Variants in MAPK9 observed in about 807,000 individuals in gnomAD.
MAPK9 encodes mitogen-activated protein kinase 9.
A neutral mutation model predicts 57.1 loss-of-function variants in MAPK9; 30 were observed. The observed-to-expected ratio is 0.53, with a 90% CI of 0.39 to 0.71. The LOEUF (loss-of-function observed/expected upper bound fraction) is 0.71. Ranked by LOEUF, MAPK9 falls within the 30% of genes least tolerant of loss-of-function variation. MAPK9 has a pLI of 0.00. For synonymous variants in MAPK9, 155 were observed against 177.0 expected (o/e 0.88, Z 0.99); for missense variants, 362 against 521.0 (o/e 0.69, Z 2.97).
intron 5 of MAPK9, among the ~76,000 whole-genome samples, chr5:180,251,630 C>T (rs1189785322): frequency 6.6e-6 from 1 of 152,112 alleles, no homozygotes; most frequent in Non-Finnish European, 1.5e-5. Context: ...AGCTTCCCAA[C>T]ACCTCACTTC....
At chr5:180,246,220 T>A (rs1336529124) in intron 7 of MAPK9, 27 of 152,314 alleles carry the variant, frequency 1.8e-4, no homozygotes, top group South Asian at 6.2e-4. Flanking sequence ...CTTTTCCCTT[T>A]TTAATTAAGT....
chr5:180,256,539 T>G (rs1759303164), intron 5 of MAPK9, among the ~76,000 whole-genome samples: 1 of 152,170 alleles, frequency 6.6e-6, no homozygotes, highest in Non-Finnish European at 1.5e-5. Context: ...AGGCCATGGA[T>G]GTGGGAAGCA....
chr5:180,272,620 AATC>A (rs1432589758), intron 2 of MAPK9, among the ~76,000 whole-genome samples: 1 of 152,152 alleles, frequency 6.6e-6, no homozygotes, highest in Non-Finnish European at 1.5e-5. Flanking sequence ...TGTTTTTTGA[AATC>A]TTCTGTGTCT....
intron 1 of MAPK9, 145 bp from the exon 2 acceptor site, chr5:180,280,753 G>A (rs1762251364): frequency 1.6e-6 from 1 of 607,144 alleles, no homozygotes; most frequent in Non-Finnish European, 2.6e-6. Flanking sequence ...ACTTAAGCAA[G>A]ACACAAAAAA....
chr5:180,275,692 A>C (rs1024779886), intron 2 of MAPK9, among the ~76,000 whole-genome samples: 13 of 152,340 alleles, frequency 8.5e-5, no homozygotes, highest in African/African-American at 3.1e-4. Context: ...GAATGTTGGC[A>C]GAAAACTGGC....
chr5:180,251,803 G>C (rs1052319352), intron 5 of MAPK9, among the ~76,000 whole-genome samples: 2 of 152,020 alleles, frequency 1.3e-5, no homozygotes, highest in African/African-American at 4.8e-5. Context: ...CAGCAGTGAG[G>C]GTACCCACAG....
At chr5:180,249,747 AT>A (rs1054430847) in intron 5 of MAPK9, among the ~76,000 whole-genome samples, 16 of 152,308 alleles carry the variant, frequency 1.1e-4, no homozygotes, top group South Asian at 1.0e-3. Context: ...CATACAGTAT[AT>A]TTTTTTAACC....
chr5:180,264,884 G>C, intron 3 of MAPK9, 45 bp from the exon 4 acceptor site: 1 of 1,428,870 alleles, frequency 7.0e-7, no homozygotes, highest in Non-Finnish European at 9.4e-7. Flanking sequence ...CAGATTACTT[G>C]ATTACAAAAA....
chr5:180,235,475 C>T lies in MAPK9; in HGVS notation c.*909G>A, dbSNP rs895868639. ...AGCATTTTGTAAAATTCCACTCCAA[C>T]GTTAGGCCATGGATGCAGGAACCTA... On this transcript the variant is annotated 3_prime_UTR_variant, in exon 12 of 12. Transcript: ENST00000452135. The T allele has an allele frequency of 3.9e-5, 6 of 152,196 alleles. No homozygotes were observed. The highest frequency in any genetic ancestry group is 1.9e-4 in the East Asian group (1 of 5,202). 9.4% of individuals were successfully genotyped at this position (152,196 alleles called of 1,614,324 possible). A position where few individuals can be genotyped will look rare whatever the true frequency, so the allele number is the denominator to read the frequency against.
intron 5 of MAPK9, among the ~76,000 whole-genome samples, chr5:180,250,508 G>C (rs924117073): frequency 6.6e-6 from 1 of 152,152 alleles, no homozygotes; most frequent in Non-Finnish European, 1.5e-5. Flanking sequence ...GGAAGTTGCA[G>C]GTTCAGTAGC....
At chr5:180,257,427 C>T (rs13162206) in intron 5 of MAPK9, among the ~76,000 whole-genome samples, 57,331 of 152,190 alleles carry the variant, frequency 0.38, 11,109 homozygotes, top group Non-Finnish European at 0.41. Context: ...AAAAGATGAC[C>T]TCTTGCTGTT....
chr5:180,277,328 G>A (rs1386452545), intron 2 of MAPK9, among the ~76,000 whole-genome samples: 1 of 152,182 alleles, frequency 6.6e-6, no homozygotes, highest in African/African-American at 2.4e-5. Flanking sequence ...AGGCTCTGGG[G>A]GGAGTCTGCT....
intron 11 of MAPK9, chr5:180,237,413 C>T (rs1163351718): frequency 1.3e-5 from 2 of 152,150 alleles, no homozygotes; most frequent in Non-Finnish European, 2.9e-5. Context: ...ATCCTTCAGA[C>T]GTAAGTGAAC....
chr5:180,285,810 G>A (rs1762691594), intron 1 of MAPK9, among the ~76,000 whole-genome samples: 1 of 151,934 alleles, frequency 6.6e-6, no homozygotes, highest in Admixed American at 6.6e-5. Context: ...CGGGTGCGGT[G>A]GCTCACACCT....
chr5:180,260,856 T>A (rs1461882075), intron 5 of MAPK9, among the ~76,000 whole-genome samples: 1 of 152,234 alleles, frequency 6.6e-6, no homozygotes, highest in East Asian at 1.9e-4. Flanking sequence ...CAATTCCATC[T>A]TTCTTTTTTA....
chr5:180,282,589 C>T (rs12522876), intron 1 of MAPK9, among the ~76,000 whole-genome samples: 4 of 152,148 alleles, frequency 2.6e-5, no homozygotes, highest in African/African-American at 9.7e-5. Context: ...AGCCACAGAG[C>T]TCAAACTGAC....
intron 10 of MAPK9, among the ~76,000 whole-genome samples, chr5:180,239,078 C>T (rs1007571646): frequency 6.6e-6 from 1 of 152,176 alleles, no homozygotes. Flanking sequence ...TTGGGGTTCT[C>T]CAAAGGTAAC....
intron 10 of MAPK9, among the ~76,000 whole-genome samples, chr5:180,239,646 C>T (rs1420655992): frequency 1.3e-5 from 2 of 152,096 alleles, no homozygotes; most frequent in Non-Finnish European, 2.9e-5. Context: ...AAGTATGATA[C>T]AATTACTAAG....
intron 1 of MAPK9, among the ~76,000 whole-genome samples, chr5:180,288,137 A>C (rs1762934008): frequency 6.6e-6 from 1 of 152,234 alleles, no homozygotes; most frequent in East Asian, 1.9e-4. Flanking sequence ...TGATGCAGGA[A>C]TGCACCCTAA....
Sources: gnomAD v4.1 joint callset for allele counts (sites outside exome capture counted in the v4.1 genomes callset) on GRCh38, gnomAD v4.1.1 for gene constraint, MANE v1.5 for transcripts, NCBI Gene and HGNC (gene_info 2026-07-23, HGNC 2026-07-21) for gene names.